CLASP1: variants seen among roughly 807,000 people sequenced by gnomAD.
CLASP1 encodes the protein cytoplasmic linker associated protein 1, also known as CLIP-associating protein 1.
Under a neutral mutation model 192.3 loss-of-function variants are expected in CLASP1, and 38 were observed. The ratio of observed to expected loss-of-function variants is 0.20; its 90% CI spans 0.15 to 0.26. The LOEUF is 0.26. Ranked by LOEUF, CLASP1 falls within the 10% of genes least tolerant of loss-of-function variation. The pLI is 1.00. For synonymous variants in CLASP1, 691 were observed against 712.8 expected (o/e 0.97, Z 0.49); for missense variants, 1,433 against 1,932.5 (o/e 0.74, Z 4.85).
intron 1 of CLASP1, among the ~76,000 whole-genome samples, chr2:121,627,227 C>G (rs2068554230): frequency 6.6e-6 from 1 of 152,132 alleles, no homozygotes; most frequent in African/African-American, 2.4e-5. Context: ...GAAGGGTAAA[C>G]AAGAACTCCC....
chr2:121,427,470 G>A (rs370425156), intron 20 of CLASP1, 40 bp from the exon 21 acceptor site: 4 of 1,608,300 alleles, frequency 2.5e-6, no homozygotes, highest in Non-Finnish European at 8.5e-7. Context: ...GCAAAAAGTG[G>A]ATTAAAAGAC....
intron 1 of CLASP1, among the ~76,000 whole-genome samples, chr2:121,620,646 C>G (rs1177747629): frequency 2.0e-5 from 3 of 152,172 alleles, no homozygotes; most frequent in African/African-American, 4.8e-5. Flanking sequence ...CCACGCCCGG[C>G]CTTGACTTCT....
At chr2:121,499,408 G>A (rs965372180) in intron 8 of CLASP1, among the ~76,000 whole-genome samples, 1 of 152,112 alleles carries the variant, frequency 6.6e-6, no homozygotes, top group Non-Finnish European at 1.5e-5. Context: ...CAGAAACTGG[G>A]GGGAGAGGGG....
intron 2 of CLASP1, among the ~76,000 whole-genome samples, chr2:121,600,895 G>A (rs778334558): frequency 3.3e-5 from 5 of 152,130 alleles, no homozygotes; most frequent in Non-Finnish European, 7.3e-5. Context: ...GCATTCAAAG[G>A]CAATCACGGA....
At chr2:121,551,022 T>C (rs1190005927) in intron 2 of CLASP1, among the ~76,000 whole-genome samples, 1 of 152,208 alleles carries the variant, frequency 6.6e-6, no homozygotes, top group East Asian at 1.9e-4. Flanking sequence ...TAATTCACTA[T>C]GATCAAATAA....
At chr2:121,467,139 A>G (rs555522564) in intron 9 of CLASP1, among the ~76,000 whole-genome samples, 1 of 152,334 alleles carries the variant, frequency 6.6e-6, no homozygotes, top group East Asian at 1.9e-4. Flanking sequence ...TGTCCCTGCA[A>G]AGGACATGAT....
intron 8 of CLASP1, among the ~76,000 whole-genome samples, chr2:121,500,334 GAAAGAAAGAA>G (rs1225256814): frequency 2.4e-5 from 3 of 123,492 alleles, no homozygotes; most frequent in Non-Finnish European, 5.1e-5. Flanking sequence ...GAGAAAGAAG[GAAAGAAAGAA>G]AAAGAAAGAA....
chr2:121,604,777 GA>G (rs1267334562), intron 2 of CLASP1, among the ~76,000 whole-genome samples: 2 of 152,206 alleles, frequency 1.3e-5, no homozygotes, highest in African/African-American at 4.8e-5. Context: ...TAGAGCAAAG[GA>G]GTCCTGTGAC....
intron 9 of CLASP1, among the ~76,000 whole-genome samples, chr2:121,464,967 CA>C (rs1221688447): frequency 6.6e-6 from 1 of 152,220 alleles, no homozygotes; most frequent in East Asian, 1.9e-4. Flanking sequence ...CCAAATTCGA[CA>C]ACCCTTCATG....
chr2:121,641,586 A>G (rs1378407857), intron 1 of CLASP1, among the ~76,000 whole-genome samples: 1 of 152,226 alleles, frequency 6.6e-6, no homozygotes, highest in Non-Finnish European at 1.5e-5. Flanking sequence ...CAAGGAAGTA[A>G]CAGAGACCAC....
At chr2:121,552,533 T>C (rs980361969) in intron 2 of CLASP1, among the ~76,000 whole-genome samples, 3 of 152,024 alleles carry the variant, frequency 2.0e-5, no homozygotes, top group South Asian at 4.2e-4. Context: ...GCAAAGGACA[T>C]GAACAGACAC....
At chr2:121,378,561 A>C (rs2070831509) in intron 33 of CLASP1, among the ~76,000 whole-genome samples, 1 of 152,188 alleles carries the variant, frequency 6.6e-6, no homozygotes, top group African/African-American at 2.4e-5. Context: ...CATCCTGAGA[A>C]TATAAAAGAA....
intron 34 of CLASP1, among the ~76,000 whole-genome samples, chr2:121,371,502 G>C (rs992285382): frequency 2.0e-5 from 3 of 151,826 alleles, no homozygotes; most frequent in Non-Finnish European, 4.4e-5. Context: ...GCCTCCCAAA[G>C]TGCTGGGATT....
chr2:121,361,872 T>G (rs1451112741), intron 37 of CLASP1, among the ~76,000 whole-genome samples: 1 of 152,244 alleles, frequency 6.6e-6, no homozygotes, highest in Non-Finnish European at 1.5e-5. Flanking sequence ...GTTATTAGTC[T>G]GAAAACACAT....
chr2:121,574,713 C>A (rs181115564), intron 2 of CLASP1, among the ~76,000 whole-genome samples: 1 of 149,564 alleles, frequency 6.7e-6, no homozygotes, highest in African/African-American at 2.5e-5. Context: ...CCGAGGCAGG[C>A]GGATCACAAG....
chr2:121,449,184 T>C (rs1267629049), intron 16 of CLASP1, 64 bp from the exon 17 acceptor site: 4 of 1,421,290 alleles, frequency 2.8e-6, no homozygotes, highest in African/African-American at 1.4e-5. Flanking sequence ...TGCTGAACTC[T>C]GGAGTACACC....
chr2:121,558,483 T>C (rs2058776621), intron 2 of CLASP1, among the ~76,000 whole-genome samples: 1 of 152,216 alleles, frequency 6.6e-6, no homozygotes, highest in South Asian at 2.1e-4. Flanking sequence ...GGCTCTGTCT[T>C]CACGAATGGA....
intron 8 of CLASP1, among the ~76,000 whole-genome samples, chr2:121,473,459 C>T (rs775047818): frequency 4.0e-5 from 6 of 151,886 alleles, no homozygotes; most frequent in South Asian, 2.1e-4. Flanking sequence ...AATAAATAAA[C>T]GGAATAGAGT....
At chr2:121,401,975 A>T (rs2076219003) in intron 26 of CLASP1, 105 bp from the exon 28 acceptor site, 1 of 499,414 alleles carries the variant, frequency 2.0e-6, no homozygotes, top group Admixed American at 2.3e-5. Context: ...GAAAACCTGA[A>T]AAGGCTACAA....
Sources: gnomAD v4.1 joint callset for allele counts (sites outside exome capture counted in the v4.1 genomes callset) on GRCh38, gnomAD v4.1.1 for gene constraint, MANE v1.5 for transcripts, NCBI Gene and HGNC (gene_info 2026-07-23, HGNC 2026-07-21) for gene names.